Variants in CNTNAP2 observed in about 807,000 individuals in gnomAD.
The protein encoded by CNTNAP2 is contactin associated protein 2, also known as contactin-associated protein-like 2.
A neutral mutation model predicts 155.2 loss-of-function variants in CNTNAP2; 98 were observed. That is an observed-to-expected ratio of 0.63 (90% CI 0.54 to 0.75). CNTNAP2 has a LOEUF of 0.75. Among genes scored for constraint, CNTNAP2 ranks in the 30% least tolerant of loss-of-function variants. The pLI is 0.00. For synonymous variants in CNTNAP2, 651 were observed against 631.2 expected (o/e 1.03, Z -0.47); for missense variants, 1,727 against 1,688.1 (o/e 1.02, Z -0.40).
intron 3 of CNTNAP2, among the ~76,000 whole-genome samples, chr7:146,945,254 C>G (rs1397011017): frequency 1.3e-5 from 2 of 152,206 alleles, no homozygotes; most frequent in Non-Finnish European, 2.9e-5. Flanking sequence ...TAGCACGGCA[C>G]TGCCATGTTT....
intron 1 of CNTNAP2, among the ~76,000 whole-genome samples, chr7:146,148,013 G>GCT (rs1328135349): frequency 3.9e-5 from 6 of 151,928 alleles, no homozygotes; most frequent in African/African-American, 1.4e-4. Context: ...AAGAAAATAT[G>GCT]CTCTCTTATA....
intron 2 of CNTNAP2, among the ~76,000 whole-genome samples, chr7:146,797,171 A>G (rs1464109520): frequency 1.3e-5 from 2 of 152,190 alleles, no homozygotes; most frequent in African/African-American, 4.8e-5. Context: ...CATGATTTTG[A>G]TTGCACTGAA....
chr7:147,572,862 C>G lies in CNTNAP2; in HGVS notation c.1897+10605C>G, dbSNP rs75253900. ...CGGCTAAACTTAAAGCCAATAATAA[C>G]TGTTTCTGTTTCTCCAAACTTTAGG... On this transcript the variant is annotated intron_variant, in intron 12 of 23. Transcript: ENST00000361727. 1.5e-4 allele frequency among the ~76,000 whole-genome samples: 23 copies of G among 152,196 alleles called. No individual in the cohort carries two copies. The East Asian group carries it at 4.4e-3, about 29-fold the overall frequency.
At chr7:147,144,308 T>G (rs1801657024) in intron 8 of CNTNAP2, among the ~76,000 whole-genome samples, 2 of 152,288 alleles carry the variant, frequency 1.3e-5, no homozygotes, top group Admixed American at 1.3e-4. Flanking sequence ...CACGGAGAAG[T>G]AAATTTCACC....
chr7:146,848,007 G>C (rs1403705389), intron 3 of CNTNAP2, among the ~76,000 whole-genome samples: 1 of 152,076 alleles, frequency 6.6e-6, no homozygotes, highest in Non-Finnish European at 1.5e-5. Context: ...AACTGAAAAG[G>C]GTAGGATAAG....
intron 1 of CNTNAP2, among the ~76,000 whole-genome samples, chr7:146,736,060 TA>T (rs374509674): frequency 1.3e-5 from 2 of 151,952 alleles, no homozygotes; most frequent in African/African-American, 4.8e-5. Context: ...CAAGCCAAAA[TA>T]AAAAAACCAC....
At chr7:148,142,934 A>G (rs1472829323) in intron 16 of CNTNAP2, among the ~76,000 whole-genome samples, 2 of 152,228 alleles carry the variant, frequency 1.3e-5, no homozygotes, top group Non-Finnish European at 2.9e-5. Context: ...CTTTCAGATG[A>G]AGTCATGAGC....
chr7:148,274,917 G>A (rs889051391), intron 21 of CNTNAP2, among the ~76,000 whole-genome samples: 9 of 152,246 alleles, frequency 5.9e-5, no homozygotes, highest in African/African-American at 2.2e-4. Context: ...TCTGTGTCAC[G>A]GGATTCAGCA....
chr7:146,959,404 C>T (rs1014998258), intron 3 of CNTNAP2, among the ~76,000 whole-genome samples: 40 of 151,898 alleles, frequency 2.6e-4, no homozygotes, highest in African/African-American at 8.0e-4. Flanking sequence ...GTCAAGATGA[C>T]ACCGTAAAAT....
intron 1 of CNTNAP2, among the ~76,000 whole-genome samples, chr7:146,355,743 T>A (rs576089807): frequency 1.9e-4 from 29 of 152,286 alleles, no homozygotes; most frequent in African/African-American, 6.7e-4. Flanking sequence ...TGATTTTTGC[T>A]TTTGTCTTGT....
intron 1 of CNTNAP2, among the ~76,000 whole-genome samples, chr7:146,651,234 G>T (rs1375135208): frequency 1.3e-5 from 2 of 152,040 alleles, no homozygotes; most frequent in Admixed American, 1.3e-4. Flanking sequence ...ATACCAGAAA[G>T]CACAAGAAAT....
chr7:146,795,916 A>G (rs1416042684), intron 2 of CNTNAP2, among the ~76,000 whole-genome samples: 1 of 152,214 alleles, frequency 6.6e-6, no homozygotes, highest in East Asian at 1.9e-4. Context: ...CATAAACATC[A>G]TCACTGTTCA....
chr7:146,240,169 C>T (rs187955028), intron 1 of CNTNAP2, among the ~76,000 whole-genome samples: 25 of 152,204 alleles, frequency 1.6e-4, no homozygotes, highest in Non-Finnish European at 2.6e-4. Flanking sequence ...CCATGAAGCT[C>T]CTGCCTAAAT....
rs115763356 is a variant in CNTNAP2, at chr7:147,594,593, G to A, written c.1897+32336G>A. ...TGATCTGCTTATTTTCTGGGTTTTC[G>A]CCTTCTCCACCCCTTCCAAGTCAAG... On this transcript the variant is annotated intron_variant, in intron 12 of 23. Coordinates refer to ENST00000361727, the MANE Select transcript of CNTNAP2 (RefSeq NM_014141.6). 1.6e-3 allele frequency among the ~76,000 whole-genome samples: 237 copies of A among 152,230 alleles called. 1 individual carries two copies. Among genetic ancestry groups the A allele is most frequent in the African/African-American group, 5.2e-3 (215 of 41,550 alleles).
At chr7:146,991,323 T>G (rs1055307748) in intron 3 of CNTNAP2, among the ~76,000 whole-genome samples, 1 of 152,088 alleles carries the variant, frequency 6.6e-6, no homozygotes, top group Non-Finnish European at 1.5e-5. Context: ...GAGAATTTAA[T>G]TCAAATGTAA....
In CNTNAP2 at chr7:146,638,129, G is replaced by T. The variant is rs555887925; in HGVS notation, c.98-136142G>T. 2.6e-5 allele frequency among the ~76,000 whole-genome samples: 4 copies of T among 152,264 alleles called. No homozygotes were observed. The East Asian group carries it at 5.8e-4, about 22-fold the overall frequency. On this transcript the variant is annotated intron_variant, in intron 1 of 23. Transcript: ENST00000361727. The stretch of plus-strand genomic sequence containing the variant: ...TTTTATTGAATGTTGTTCTATTTCT[G>T]TCTGTAAGCGTATAGCCAGGTTAAG...
At chr7:147,739,451 T>G (rs1796919102) in intron 13 of CNTNAP2, among the ~76,000 whole-genome samples, 1 of 152,206 alleles carries the variant, frequency 6.6e-6, no homozygotes, top group Admixed American at 6.5e-5. Flanking sequence ...ATTGACATGT[T>G]GAATAAAAAC....
chr7:147,177,825 T>C (rs1802379792), intron 8 of CNTNAP2, among the ~76,000 whole-genome samples: 1 of 152,146 alleles, frequency 6.6e-6, no homozygotes, highest in Non-Finnish European at 1.5e-5. Flanking sequence ...CTTCAATTTC[T>C]AATATCCAAA....
rs767459450 is a variant in CNTNAP2, at chr7:146,248,619, G to A, written c.97+131646G>A. Among the ~76,000 whole-genome samples, 5 of 152,182 alleles carry A rather than the reference G, an allele frequency of 3.3e-5. No homozygotes were observed. In the East Asian group the frequency reaches 7.7e-4, roughly 24 times the overall value. ...CCAAGATTGAAAGGAGAAAGAGGTT[G>A]AGGGATGGTGAGGGAGGTTGGAGAA... is the stretch of plus-strand genomic sequence containing the variant. On this transcript the variant is annotated intron_variant, in intron 1 of 23. Transcript: ENST00000361727.
Sources: gnomAD v4.1 joint callset for allele counts (sites outside exome capture counted in the v4.1 genomes callset) on GRCh38, gnomAD v4.1.1 for gene constraint, MANE v1.5 for transcripts, NCBI Gene and HGNC (gene_info 2026-07-23, HGNC 2026-07-21) for gene names.